Variants in MAP3K9 observed in about 807,000 individuals in gnomAD.
The protein encoded by MAP3K9 is mitogen-activated protein kinase kinase kinase 9, also known as mixed lineage kinase 1 (tyr and ser/thr specificity).
Under a neutral mutation model 95.8 loss-of-function variants are expected in MAP3K9, and 46 were observed. The observed-to-expected ratio is 0.48, with a 90% CI of 0.38 to 0.61. MAP3K9 has a LOEUF of 0.61. Ranked by LOEUF, MAP3K9 falls within the 20% of genes least tolerant of loss-of-function variation. MAP3K9 has a pLI of 0.00. For synonymous variants in MAP3K9, 533 were observed against 593.8 expected (o/e 0.90, Z 1.49); for missense variants, 1,296 against 1,474.3 (o/e 0.88, Z 1.98).
chr14:70,748,262 A>C (rs549740269), intron 5 of MAP3K9, among the ~76,000 whole-genome samples: 20 of 152,310 alleles, frequency 1.3e-4, no homozygotes, highest in African/African-American at 4.6e-4. Context: ...CTAGGGACAC[A>C]CTGAGGGAAC....
intron 2 of MAP3K9, among the ~76,000 whole-genome samples, chr14:70,784,924 C>G (rs1312957383): frequency 2.0e-5 from 3 of 152,138 alleles, no homozygotes; most frequent in Non-Finnish European, 2.9e-5. Flanking sequence ...TGATCTACCC[C>G]ACAAAGTCCC....
chr14:70,779,273 A>G (rs2139821714), intron 2 of MAP3K9, among the ~76,000 whole-genome samples: 1 of 152,330 alleles, frequency 6.6e-6, no homozygotes, highest in South Asian at 2.1e-4. Flanking sequence ...TTGTGACAAG[A>G]TTTGAGTTTC....
intron 9 of MAP3K9, 66 bp from the exon 10 acceptor site, chr14:70,734,564 T>C: frequency 3.4e-6 from 3 of 871,298 alleles, no homozygotes; most frequent in East Asian, 2.4e-5. Context: ...CTCAGCTCCA[T>C]GGGTCTATGG....
At chr14:70,805,701 T>C (rs2054982576) in intron 1 of MAP3K9, among the ~76,000 whole-genome samples, 1 of 152,202 alleles carries the variant, frequency 6.6e-6, no homozygotes, top group Non-Finnish European at 1.5e-5. Context: ...GGAGGAATGA[T>C]TGAAGCCAAG....
chr14:70,751,607 T>C (rs1396148353), intron 3 of MAP3K9, among the ~76,000 whole-genome samples: 1 of 151,960 alleles, frequency 6.6e-6, no homozygotes, highest in African/African-American at 2.4e-5. Flanking sequence ...TAATCCCAGC[T>C]ACTTGGGAGG....
intron 3 of MAP3K9, among the ~76,000 whole-genome samples, chr14:70,759,926 T>C (rs1031708491): frequency 1.6e-4 from 24 of 152,018 alleles, no homozygotes; most frequent in Admixed American, 3.9e-4. Flanking sequence ...GGATACTTTT[T>C]AAACTTTTTG....
At chr14:70,737,275 A>G (rs947994230) in intron 8 of MAP3K9, among the ~76,000 whole-genome samples, 2 of 152,170 alleles carry the variant, frequency 1.3e-5, no homozygotes, top group African/African-American at 2.4e-5. Flanking sequence ...TCCTCTCTGC[A>G]CTCACAAAGA....
rs1326811895 is a variant in MAP3K9 at position 70,728,824 on chromosome 14, G to A, written c.*1556C>T. On this transcript the variant is annotated 3_prime_UTR_variant, in exon 12 of 12. Transcript: ENST00000554752. ...GCAGCAAATGCAAGGAACCTGCTGA[G>A]TGACCTCCAAGACAAAAGACAGTGG... The A allele has an allele frequency of 6.6e-6, 1 of 152,228 alleles. No homozygotes were observed. Among genetic ancestry groups the A allele is most frequent in the East Asian group, 1.9e-4 (1 of 5,200 alleles). 9.4% of individuals were successfully genotyped at this position (152,228 alleles called of 1,614,324 possible).
At chr14:70,772,906 G>A (rs934482787) in intron 2 of MAP3K9, among the ~76,000 whole-genome samples, 1 of 152,104 alleles carries the variant, frequency 6.6e-6, no homozygotes, top group Non-Finnish European at 1.5e-5. Flanking sequence ...GGGAAGAGAC[G>A]AAGCCAGGAC....
chr14:70,778,101 A>G (rs201980882), intron 2 of MAP3K9, among the ~76,000 whole-genome samples: 73 of 115,830 alleles, frequency 6.3e-4, no homozygotes, highest in Admixed American at 1.3e-3. Context: ...TGTTGTTGTT[A>G]TTGTTGTTGT....
rs79009865 is a variant in MAP3K9, at chr14:70,789,099, C to T, written c.820+11568G>A. 9.2e-5 allele frequency among the ~76,000 whole-genome samples: 14 copies of T among 152,286 alleles called. 1 individual carries two copies. The East Asian group carries it at 2.7e-3, about 29-fold the overall frequency. On this transcript the variant is annotated intron_variant, in intron 2 of 11. Coordinates refer to ENST00000554752, the MANE Select transcript of MAP3K9 (RefSeq NM_001284230.2). ...GGCCAGCTGTCCCATTCAATCAAGC[C>T]AAAGGCTGTAACAGACAGGACGAGG...
intron 2 of MAP3K9, among the ~76,000 whole-genome samples, chr14:70,793,723 TG>T (rs1432643258): frequency 6.6e-6 from 1 of 152,122 alleles, no homozygotes; most frequent in Non-Finnish European, 1.5e-5. Context: ...ACTATGCACC[TG>T]GAACTATGCT....
chr14:70,763,599 T>C (rs1013407571), intron 2 of MAP3K9, among the ~76,000 whole-genome samples: 2 of 152,010 alleles, frequency 1.3e-5, no homozygotes, highest in African/African-American at 4.8e-5. Flanking sequence ...GGTGCAATCA[T>C]AGCTTATTGC....
At position 70,733,263 on chromosome 14, in the gene MAP3K9, T is replaced by C. The variant is rs1594763520; in HGVS notation, c.2106A>G (p.Pro702=). ...HSPSQSYLCI[P]FPRGEDGDGP... The stretch of plus-strand genomic sequence containing the variant: ...CATCGCCATCCTCTCCACGAGGGAA[T>C]GGGATACAGAGGTAGGACTGGCTGG... Residue 702 remains proline, a synonymous_variant, in exon 11 of 12, where the codon CCA becomes CCG. Coordinates refer to ENST00000554752, the MANE Select transcript of MAP3K9 (RefSeq NM_001284230.2). 6.2e-7 allele frequency: 1 copy of C among 1,612,132 alleles called. No homozygotes were observed. The highest frequency in any genetic ancestry group is 8.5e-7 in the Non-Finnish European group (1 of 1,178,804).
chr14:70,762,780 T>C (rs1180017636), intron 2 of MAP3K9, among the ~76,000 whole-genome samples: 1 of 152,250 alleles, frequency 6.6e-6, no homozygotes, highest in Non-Finnish European at 1.5e-5. Context: ...TTATTGCACA[T>C]ACTTTTGGTA....
rs2053830041 is a variant in MAP3K9, at chr14:70,727,121, GAT to G, written c.*3257_*3258del. 1 of 152,194 alleles carries G rather than the reference GAT, an allele frequency of 6.6e-6. No individual in the cohort carries two copies. The highest frequency in any genetic ancestry group is 1.5e-5 in the Non-Finnish European group (1 of 68,044). 9.4% of individuals were successfully genotyped at this position (152,194 alleles called of 1,614,324 possible). A position where few individuals can be genotyped will look rare whatever the true frequency, so the allele number is the denominator to read the frequency against. On this transcript the variant is annotated 3_prime_UTR_variant, in exon 12 of 12. Coordinates refer to ENST00000554752, the MANE Select transcript of MAP3K9 (RefSeq NM_001284230.2). The stretch of plus-strand genomic sequence containing the variant: ...AGGGTATCAAATGTACAAGGAAAAT[GAT>G]GTCATTTTGCAAAGGTCAGGAGGAA...
intron 3 of MAP3K9, 55 bp downstream of exon 3, chr14:70,760,947 T>C: frequency 6.3e-7 from 1 of 1,575,964 alleles, no homozygotes; most frequent in Non-Finnish European, 8.6e-7. Context: ...TCTTGAAATG[T>C]GTGTGCCACC....
rs2053859698 is a variant in MAP3K9, at chr14:70,729,142, T to C, written c.*1238A>G. 6.6e-6 allele frequency: 1 copy of C among 152,236 alleles called. No individual in the cohort carries two copies. Among genetic ancestry groups the C allele is most frequent in the African/African-American group, 2.4e-5 (1 of 41,424 alleles). The allele number at this position is 152,236 out of a possible 1,614,324, so 9.4% of individuals were successfully genotyped here. A position where few individuals can be genotyped will look rare whatever the true frequency, so the allele number is the denominator to read the frequency against. On this transcript the variant is annotated 3_prime_UTR_variant, in exon 12 of 12. Transcript: ENST00000554752. ...CACAGGCCTTGGTCAGTTTTCAGTATGGGGGACCTCAAGGTTATTGTACAT... is the reference window on the plus strand; with the variant it reads ...CACAGGCCTTGGTCAGTTTTCAGTACGGGGGACCTCAAGGTTATTGTACAT...
Position 70,809,083 on chromosome 14 carries a change from T to C in MAP3K9, c.89A>G (p.Glu30Gly). Reference protein sequence around the residue: ...PGEDGAGAGAEEEEEEEEEAA... With the variant: ...PGEDGAGAGAGEEEEEEEEAA... ...CTCCTCCTCCTCCTCCTCCTCCTCC[T>C]CGGCCCCGGCCCCTGCTCCATCCTC... is the stretch of plus-strand genomic sequence containing the variant. The change falls in exon 1 of 12, where the codon GAG becomes GGG. Residue 30 changes from glutamate to glycine, a missense_variant. Physicochemically the swap from Glu to Gly is moderately conservative, Grantham distance 98 (BLOSUM62 -2). This residue lies in a region of MAP3K9 where 338 missense variants were observed against 363.4 expected (regional missense o/e 0.93). Transcript: ENST00000554752. The C allele has an allele frequency of 7.0e-7, 1 of 1,423,770 alleles. No homozygotes were observed. The highest frequency in any genetic ancestry group is 9.1e-7 in the Non-Finnish European group (1 of 1,096,176). The allele number at this position is 1,423,770 out of a possible 1,614,324, so 88.2% of individuals were successfully genotyped here. A position where few individuals can be genotyped will look rare whatever the true frequency, so the allele number is the denominator to read the frequency against.
Sources: allele counts gnomAD v4.1 joint callset (sites outside exome capture counted in the v4.1 genomes callset), GRCh38; gene constraint gnomAD v4.1.1; regional missense constraint gnomAD v4.1.1; transcripts MANE v1.5; gene names NCBI Gene and HGNC (gene_info 2026-07-23, HGNC 2026-07-21).